A1CF: variants seen among roughly 807,000 people sequenced by gnomAD.
A1CF encodes the protein APOBEC1 complementation factor.
Under a neutral mutation model 68.9 loss-of-function variants are expected in A1CF, and 48 were observed. The observed-to-expected ratio is 0.70, with a 90% confidence interval of 0.55 to 0.89. The LOEUF (loss-of-function observed/expected upper bound fraction) is 0.89, where lower values mean the gene tolerates loss of function less well. Among genes scored for constraint, A1CF ranks in the 40% least tolerant of loss-of-function variants. The pLI, the probability that A1CF is intolerant of heterozygous loss-of-function variation, is 0.00. For missense variants in A1CF, 653 were observed against 718.9 expected (o/e 0.91, Z 1.05); for synonymous variants, 272 against 260.4 (o/e 1.04, Z -0.43).
At chr10:50,830,393 C>T (rs1839180673) in intron 6 of A1CF, among the ~76,000 whole-genome samples, 1 of 152,056 alleles carries the variant, frequency 6.6e-6, no homozygotes, top group Non-Finnish European at 1.5e-5. Context: ...TCCATTGTAA[C>T]TAATAAACAA....
At chr10:50,838,438 T>C (rs1343334194) in intron 5 of A1CF, among the ~76,000 whole-genome samples, 1 of 152,166 alleles carries the variant, frequency 6.6e-6, no homozygotes, top group Non-Finnish European at 1.5e-5. Context: ...TTAATGTATT[T>C]AGAAATTATA....
At chr10:50,865,535 T>C (rs1165726705) in intron 1 of A1CF, among the ~76,000 whole-genome samples, 3 of 152,244 alleles carry the variant, frequency 2.0e-5, no homozygotes, top group Non-Finnish European at 4.4e-5. Flanking sequence ...ACCAACTGTG[T>C]GAAGGATAAA....
intron 3 of A1CF, among the ~76,000 whole-genome samples, chr10:50,856,804 G>A (rs1284116020): frequency 6.6e-6 from 1 of 151,000 alleles, no homozygotes; most frequent in Non-Finnish European, 1.5e-5. Context: ...TTAACTTGTG[G>A]TCTAGGTCCT....
intron 1 of A1CF, among the ~76,000 whole-genome samples, chr10:50,867,013 C>A (rs1245413877): frequency 6.6e-6 from 1 of 150,476 alleles, no homozygotes; most frequent in Admixed American, 6.6e-5. Flanking sequence ...ACATGCCTGG[C>A]CTGTTTTTTT....
At chr10:50,863,940 A>G (rs1361076672) in intron 2 of A1CF, 93 bp downstream of exon 2, 1 of 152,228 alleles carries the variant, frequency 6.6e-6, no homozygotes, top group Non-Finnish European at 1.5e-5. Context: ...ATCATTACAC[A>G]TTGTATAGAG....
In A1CF at chr10:50,800,893, G is replaced by T. The variant is rs529661077; in HGVS notation, c.*5836C>A. ...AGTGTTGGAGCAAATTTGTGAAGCA[G>T]AAGGAAAAAAGGCAATATCCTTTTT... is the stretch of plus-strand genomic sequence containing the variant. On this transcript the variant is annotated 3_prime_UTR_variant, in exon 13 of 13. Transcript: ENST00000373997. 6.6e-6 allele frequency: 1 copy of T among 152,210 alleles called. No individual in the cohort carries two copies. The highest frequency in any genetic ancestry group is 1.5e-5 in the Non-Finnish European group (1 of 67,994). The allele number at this position is 152,210 out of a possible 1,614,324, so 9.4% of individuals were successfully genotyped here.
chr10:50,856,472 T>C (rs545374450), intron 3 of A1CF, among the ~76,000 whole-genome samples: 1 of 152,238 alleles, frequency 6.6e-6, no homozygotes, highest in East Asian at 1.9e-4. Context: ...ACGCTGCTAG[T>C]CAATATTACT....
chr10:50,845,443 C>G (rs1353394153), intron 3 of A1CF, among the ~76,000 whole-genome samples: 2 of 152,184 alleles, frequency 1.3e-5, no homozygotes. Flanking sequence ...AGATACTGCT[C>G]TGTCATTACT....
intron 2 of A1CF, among the ~76,000 whole-genome samples, chr10:50,861,073 G>A (rs949408941): frequency 2.6e-5 from 4 of 152,112 alleles, no homozygotes; most frequent in African/African-American, 9.7e-5. Flanking sequence ...GAGAATTCCT[G>A]TACTGCTTCA....
chr10:50,845,465 G>A (rs1269436991), intron 3 of A1CF, among the ~76,000 whole-genome samples: 8 of 152,138 alleles, frequency 5.3e-5, no homozygotes, highest in African/African-American at 1.9e-4. Flanking sequence ...AATGTCATGG[G>A]TTAAGGACAG....
chr10:50,879,681 T>A (rs560459429), intron 1 of A1CF, among the ~76,000 whole-genome samples: 1 of 152,206 alleles, frequency 6.6e-6, no homozygotes, highest in Non-Finnish European at 1.5e-5. Context: ...CTCATTATCA[T>A]GAAAACAGCA....
chr10:50,844,095 G>T lies in A1CF; in HGVS notation c.127C>A (p.Pro43Thr). Residue 43 changes from proline to threonine, a missense_variant, in exon 4 of 13, where the codon CCT becomes ACT. Coordinates refer to ENST00000373997, the MANE Select transcript of A1CF (RefSeq NM_014576.4). ...GGTGCAGCATCCCAACCAGGTGGAG[G>T]GCCACCATATTTTCTTTGTCCATTT... ...QENGQRKYGG[P>T]PPGWDAAPPE... The T allele has an allele frequency of 6.2e-7, 1 of 1,611,554 alleles. No individual in the cohort carries two copies. Among genetic ancestry groups the T allele is most frequent in the South Asian group, 1.1e-5 (1 of 90,416 alleles).
intron 4 of A1CF, 147 bp from the exon 5 acceptor site, chr10:50,842,139 C>T: frequency 1.5e-6 from 1 of 659,448 alleles, no homozygotes; most frequent in Non-Finnish European, 2.5e-6. Flanking sequence ...ATTTGCATCC[C>T]ATGTGGAATG....
chr10:50,863,522 T>A (rs183442237), intron 2 of A1CF, among the ~76,000 whole-genome samples: 28 of 152,360 alleles, frequency 1.8e-4, no homozygotes, highest in African/African-American at 6.2e-4. Context: ...ATTCAGAAAT[T>A]ATTTATTGAG....
chr10:50,834,510 T>G (rs904923329), intron 6 of A1CF, among the ~76,000 whole-genome samples: 6 of 152,140 alleles, frequency 3.9e-5, no homozygotes, highest in Non-Finnish European at 7.3e-5. Context: ...AGAGTTTTTA[T>G]TGGGAAATAG....
At position 50,827,209 on chromosome 10, in the gene A1CF, C is replaced by T. The variant is rs528802309; in HGVS notation, c.769+922G>A. On this transcript the variant is annotated intron_variant, in intron 7 of 12. Transcript: ENST00000373997. Reference sequence around the variant, plus strand: ...GGAGACTTTAACACCCCACTGTCAACATTAGACAGATCAACGAGACAGAAA... The same window carrying T: ...GGAGACTTTAACACCCCACTGTCAATATTAGACAGATCAACGAGACAGAAA... 1.2e-4 allele frequency among the ~76,000 whole-genome samples: 19 copies of T among 152,202 alleles called. No homozygotes were observed. The East Asian group carries it at 3.5e-3, about 28-fold the overall frequency.
At chr10:50,827,249 T>C (rs374490066) in intron 7 of A1CF, among the ~76,000 whole-genome samples, 5 of 151,792 alleles carry the variant, frequency 3.3e-5, no homozygotes, top group South Asian at 2.1e-4. Flanking sequence ...ACAAGGATAT[T>C]CAGGAATTGA....
intron 6 of A1CF, among the ~76,000 whole-genome samples, 185 bp downstream of exon 6, chr10:50,835,889 A>G (rs1354191098): frequency 6.6e-6 from 1 of 152,212 alleles, no homozygotes; most frequent in Non-Finnish European, 1.5e-5. Flanking sequence ...CAGAATGAAT[A>G]TTTTTCAAAA....
At position 50,867,016 on chromosome 10, in the gene A1CF, G is replaced by GT. The variant is rs1252757608; in HGVS notation, c.-93-2937dup. Among the ~76,000 whole-genome samples the GT allele has an allele frequency of 4.9e-3, 711 of 143,728 alleles. 2 individuals carry two copies. The highest frequency in any genetic ancestry group is 0.011 in the Middle Eastern group (3 of 282). The allele number at this position is 143,728 out of a possible 152,430, so 94.3% of individuals were successfully genotyped here. On this transcript the variant is annotated intron_variant, in intron 1 of 12. Transcript: ENST00000373997. Reference sequence around the variant, plus strand: ...AGGCGTGATCCAACATGCCTGGCCTGTTTTTTTTTTTTTCTTAATGTCTTT... The same window carrying GT: ...AGGCGTGATCCAACATGCCTGGCCTGTTTTTTTTTTTTTTCTTAATGTCTTT...
Sources: gnomAD v4.1 joint callset for allele counts (sites outside exome capture counted in the v4.1 genomes callset) on GRCh38, gnomAD v4.1.1 for gene constraint, MANE v1.5 for transcripts, NCBI Gene and HGNC (gene_info 2026-07-23, HGNC 2026-07-21) for gene names.